ST8SIA4: variants seen among roughly 807,000 people sequenced by gnomAD.
ST8SIA4 encodes CMP-N-acetylneuraminate-poly-alpha-2,8-sialyltransferase.
Under a neutral mutation model 33.9 loss-of-function variants are expected in ST8SIA4, and 15 were observed. That is an observed-to-expected ratio of 0.44 (90% CI 0.30 to 0.68). The LOEUF is 0.68. Among genes scored for constraint, ST8SIA4 ranks in the 30% least tolerant of loss-of-function variants. The pLI, the probability that ST8SIA4 is intolerant of heterozygous loss-of-function variation, is 0.10. For missense variants in ST8SIA4, 321 were observed against 428.0 expected (o/e 0.75, Z 2.21); for synonymous variants, 171 against 151.2 (o/e 1.13, Z -0.96).
intron 3 of ST8SIA4, among the ~76,000 whole-genome samples, chr5:100,876,733 C>T (rs1752315880): frequency 6.6e-6 from 1 of 151,838 alleles, no homozygotes; most frequent in Admixed American, 6.6e-5. Flanking sequence ...AAGAATTTTA[C>T]TCTTATGATT....
At chr5:100,854,412 T>C (rs1476653029) in intron 4 of ST8SIA4, among the ~76,000 whole-genome samples, 1 of 151,866 alleles carries the variant, frequency 6.6e-6, no homozygotes, top group East Asian at 1.9e-4. Context: ...TGAAACCCCA[T>C]CTCTACTAAA....
intron 2 of ST8SIA4, among the ~76,000 whole-genome samples, chr5:100,892,996 T>C (rs1752707175): frequency 6.6e-6 from 1 of 151,654 alleles, no homozygotes; most frequent in African/African-American, 2.4e-5. Flanking sequence ...GAACTTAAAG[T>C]AAAATAAAAA....
At position 100,809,710 on chromosome 5, in the gene ST8SIA4, A is replaced by G. The variant is rs1227087721; in HGVS notation, c.*2137T>C. 1.3e-5 allele frequency: 2 copies of G among 152,178 alleles called. No homozygotes were observed. The highest frequency in any genetic ancestry group is 2.9e-5 in the Non-Finnish European group (2 of 68,028). The allele number at this position is 152,178 out of a possible 1,614,324, so 9.4% of individuals were successfully genotyped here. A position where few individuals can be genotyped will look rare whatever the true frequency, so the allele number is the denominator to read the frequency against. On this transcript the variant is annotated 3_prime_UTR_variant, in exon 5 of 5. Coordinates refer to ENST00000231461, the MANE Select transcript of ST8SIA4 (RefSeq NM_005668.6). Reference sequence around the variant, plus strand: ...AGTAAACCAGACTTTTCAACTTTACATTCAAAACATGTATCTATTCTCTTA... The same window carrying G: ...AGTAAACCAGACTTTTCAACTTTACGTTCAAAACATGTATCTATTCTCTTA...
At chr5:100,898,756 AC>A (rs1053486528) in intron 1 of ST8SIA4, among the ~76,000 whole-genome samples, 1 of 152,132 alleles carries the variant, frequency 6.6e-6, no homozygotes, top group African/African-American at 2.4e-5. Flanking sequence ...GGATGTTGCC[AC>A]CCCCCTACTT....
intron 3 of ST8SIA4, among the ~76,000 whole-genome samples, chr5:100,869,175 A>T (rs1466268468): frequency 6.6e-6 from 1 of 152,202 alleles, no homozygotes; most frequent in Non-Finnish European, 1.5e-5. Context: ...AAGAACAATT[A>T]TAAGAAAGAT....
chr5:100,861,080 A>G (rs1751930423), intron 3 of ST8SIA4, among the ~76,000 whole-genome samples: 1 of 152,208 alleles, frequency 6.6e-6, no homozygotes, highest in Non-Finnish European at 1.5e-5. Flanking sequence ...ATGGACTTTC[A>G]TGTGGTATAC....
At chr5:100,875,746 T>C (rs1253506541) in intron 3 of ST8SIA4, among the ~76,000 whole-genome samples, 1 of 152,180 alleles carries the variant, frequency 6.6e-6, no homozygotes, top group Non-Finnish European at 1.5e-5. Context: ...TTTGATAAAA[T>C]AAACTTGACG....
At position 100,849,484 on chromosome 5, in the gene ST8SIA4, T is replaced by C. The variant is rs192966470; in HGVS notation, c.797+6619A>G. 7.8e-5 allele frequency: 77 copies of C among 984,640 alleles called. 1 individual carries two copies. The African/African-American group carries it at 1.2e-3, about 15-fold the overall frequency. 61.0% of individuals were successfully genotyped at this position (984,640 alleles called of 1,614,324 possible). ...TGCAAAATACATATGTGAGCTTGAA[T>C]TTAAGAAACACTGCTGGCTGAGCGC... On this transcript the variant is annotated intron_variant, in intron 4 of 4. Transcript: ENST00000231461.
intron 4 of ST8SIA4, among the ~76,000 whole-genome samples, chr5:100,825,244 A>G (rs1751116185): frequency 6.6e-6 from 1 of 152,182 alleles, no homozygotes; most frequent in African/African-American, 2.4e-5. Context: ...TGCTAAAGAT[A>G]GACATGAGAT....
intron 3 of ST8SIA4, among the ~76,000 whole-genome samples, chr5:100,862,233 T>G (rs1751961601): frequency 6.6e-6 from 1 of 152,120 alleles, no homozygotes. Flanking sequence ...TTAAAACTCA[T>G]AGACATGGTC....
chr5:100,894,931 T>C (rs1329287858), intron 2 of ST8SIA4, among the ~76,000 whole-genome samples: 5 of 152,084 alleles, frequency 3.3e-5, no homozygotes, highest in African/African-American at 1.2e-4. Flanking sequence ...AATGCTGTGA[T>C]TCAAATATAC....
intron 4 of ST8SIA4, among the ~76,000 whole-genome samples, chr5:100,830,128 A>T (rs1437728355): frequency 6.6e-6 from 1 of 152,216 alleles, no homozygotes; most frequent in East Asian, 1.9e-4. Flanking sequence ...TCGCTCTAAG[A>T]CTTTAGCAAT....
intron 4 of ST8SIA4, among the ~76,000 whole-genome samples, chr5:100,820,288 AC>A (rs1310703346): frequency 6.6e-6 from 1 of 152,094 alleles, no homozygotes; most frequent in Non-Finnish European, 1.5e-5. Flanking sequence ...AACTACCCCT[AC>A]TTTATCTGAC....
intron 3 of ST8SIA4, among the ~76,000 whole-genome samples, chr5:100,863,356 A>T (rs1416333415): frequency 2.0e-5 from 3 of 152,204 alleles, no homozygotes; most frequent in Non-Finnish European, 2.9e-5. Flanking sequence ...AAGAAAAATG[A>T]CCCACTTCTG....
chr5:100,901,728 C>A (rs1752922072), intron 1 of ST8SIA4, among the ~76,000 whole-genome samples: 1 of 152,100 alleles, frequency 6.6e-6, no homozygotes, highest in Non-Finnish European at 1.5e-5. Context: ...GCAAGTCCTT[C>A]TGTAAGGATC....
At position 100,895,982 on chromosome 5, in the gene ST8SIA4, G is replaced by A. The variant is rs188470600; in HGVS notation, c.114-197C>T. The stretch of plus-strand genomic sequence containing the variant: ...TGACTATCAGGACAAGAATCTACAC[G>A]TAATATTTTTGAAATTAAACAATTT... On this transcript the variant is annotated intron_variant, in intron 1 of 4. Coordinates refer to ENST00000231461, the MANE Select transcript of ST8SIA4 (RefSeq NM_005668.6). 1.3e-4 allele frequency among the ~76,000 whole-genome samples: 20 copies of A among 152,040 alleles called. No individual in the cohort carries two copies. The East Asian group carries it at 3.3e-3, about 25-fold the overall frequency.
At chr5:100,847,887 A>G (rs1751601551) in intron 4 of ST8SIA4, among the ~76,000 whole-genome samples, 1 of 152,094 alleles carries the variant, frequency 6.6e-6, no homozygotes, top group African/African-American at 2.4e-5. Flanking sequence ...ATGTTCTAGC[A>G]AAACTCTGGG....
intron 3 of ST8SIA4, among the ~76,000 whole-genome samples, chr5:100,867,352 C>T (rs17724833): frequency 0.098 from 14,838 of 152,086 alleles, 1,092 homozygotes; most frequent in Middle Eastern, 0.2. Flanking sequence ...AAACTGACTA[C>T]TCCATTGGTC....
chr5:100,880,499 G>T (rs1752395170), intron 3 of ST8SIA4, among the ~76,000 whole-genome samples: 1 of 152,114 alleles, frequency 6.6e-6, no homozygotes, highest in African/African-American at 2.4e-5. Context: ...TGACTGGCAG[G>T]CACATCGTCT....
Sources: allele counts gnomAD v4.1 joint callset (sites outside exome capture counted in the v4.1 genomes callset), GRCh38; gene constraint gnomAD v4.1.1; transcripts MANE v1.5; gene names NCBI Gene and HGNC (gene_info 2026-07-23, HGNC 2026-07-21).